The following GNA14 variants were observed in gnomAD, a reference collection of about 807,000 sequenced individuals.
GNA14 encodes the protein guanine nucleotide-binding protein subunit alpha-14.
In GNA14, 50 loss-of-function variants were observed where a neutral mutation model predicts 42.0. That is an observed-to-expected ratio of 1.19 (90% confidence interval 0.95 to 1.51). The LOEUF is 1.51. Among genes scored for constraint, GNA14 ranks in the 40% most tolerant of loss-of-function variants. GNA14 has a pLI of 0.00. For synonymous variants in GNA14, 173 were observed against 163.1 expected (o/e 1.06, Z -0.46); for missense variants, 473 against 446.2 (o/e 1.06, Z -0.54).
intron 2 of GNA14, among the ~76,000 whole-genome samples, chr9:77,476,526 T>C (rs753465069): frequency 2.6e-5 from 4 of 152,206 alleles, no homozygotes; most frequent in Non-Finnish European, 4.4e-5. Context: ...TGCTGTATAA[T>C]TGAAGATTAT....
chr9:77,605,854 A>G (rs978606427), intron 1 of GNA14, among the ~76,000 whole-genome samples: 1 of 152,158 alleles, frequency 6.6e-6, no homozygotes, highest in African/African-American at 2.4e-5. Context: ...GAATTCTATG[A>G]TTTCTAAATT....
At chr9:77,450,244 C>A (rs1835882463) in intron 2 of GNA14, among the ~76,000 whole-genome samples, 1 of 152,144 alleles carries the variant, frequency 6.6e-6, no homozygotes, top group African/African-American at 2.4e-5. Context: ...GATGAGGGGG[C>A]TGGCTCTGCC....
intron 1 of GNA14, among the ~76,000 whole-genome samples, chr9:77,592,898 T>G (rs1823411305): frequency 6.6e-6 from 1 of 152,160 alleles, no homozygotes. Context: ...TGATTAACAC[T>G]TTTAACTGAA....
At chr9:77,554,846 T>C (rs1246310446) in intron 1 of GNA14, among the ~76,000 whole-genome samples, 1 of 152,228 alleles carries the variant, frequency 6.6e-6, no homozygotes, top group Non-Finnish European at 1.5e-5. Flanking sequence ...TAGAATTGCA[T>C]GTTTTTGTGG....
chr9:77,464,355 G>C (rs1202476302), intron 2 of GNA14, among the ~76,000 whole-genome samples: 3 of 115,622 alleles, frequency 2.6e-5, no homozygotes, highest in African/African-American at 1.1e-4. Context: ...GTGTATATGT[G>C]TGTGTGTGTG....
At chr9:77,507,774 G>A (rs1343488301) in intron 2 of GNA14, among the ~76,000 whole-genome samples, 1 of 151,990 alleles carries the variant, frequency 6.6e-6, no homozygotes, top group East Asian at 1.9e-4. Flanking sequence ...GTCCAGTGGT[G>A]CAATCTTGGC....
At chr9:77,483,640 T>C (rs184695188) in intron 2 of GNA14, among the ~76,000 whole-genome samples, 172 of 152,316 alleles carry the variant, frequency 1.1e-3, no homozygotes, top group African/African-American at 3.8e-3. Flanking sequence ...TACTGCTGTC[T>C]TTTTGTTTGT....
intron 2 of GNA14, among the ~76,000 whole-genome samples, chr9:77,449,406 G>C (rs969170450): frequency 6.6e-6 from 1 of 152,204 alleles, no homozygotes; most frequent in Non-Finnish European, 1.5e-5. Context: ...CCCATTAACA[G>C]AATTTTCCCC....
intron 2 of GNA14, among the ~76,000 whole-genome samples, chr9:77,527,925 G>A (rs117114342): frequency 0.011 from 1,613 of 152,270 alleles, 12 homozygotes; most frequent in Non-Finnish European, 0.013. Flanking sequence ...ATAAGCCACC[G>A]TGCCCAGCCC....
chr9:77,635,268 G>T (rs1293130142), intron 1 of GNA14: 2 of 152,082 alleles, frequency 1.3e-5, no homozygotes, highest in African/African-American at 4.8e-5. Context: ...AATCTTCTGT[G>T]TATCACTCCA....
intron 2 of GNA14, among the ~76,000 whole-genome samples, chr9:77,444,509 C>T (rs974245386): frequency 2.0e-5 from 3 of 152,318 alleles, no homozygotes; most frequent in South Asian, 2.1e-4. Context: ...ACTTGGTTTT[C>T]GTGGGTTCTG....
chr9:77,434,527 T>C lies in GNA14; in HGVS notation c.310-5A>G. ...TCTGATTATCTGGGCATTTTCCTAC[T>C]CAAAGGAAAGAGAACCTTGCATCAG... On this transcript the variant is annotated splice_polypyrimidine_tract_variant and splice_region_variant and intron_variant, in intron 2 of 6. Transcript: ENST00000341700. 1 of 1,611,490 alleles carries C rather than the reference T, an allele frequency of 6.2e-7. No homozygotes were observed.
intron 1 of GNA14, among the ~76,000 whole-genome samples, chr9:77,637,211 T>C (rs965753678): frequency 1.3e-5 from 2 of 152,238 alleles, no homozygotes; most frequent in Admixed American, 6.5e-5. Context: ...TTCTGCTGGC[T>C]TGAACTTTCA....
intron 1 of GNA14, among the ~76,000 whole-genome samples, chr9:77,569,853 G>A (rs763297529): frequency 5.3e-5 from 8 of 151,408 alleles, no homozygotes; most frequent in Non-Finnish European, 1.2e-4. Flanking sequence ...TGCAACCTCT[G>A]CCTTCCAGTT....
chr9:77,509,078 T>A (rs576271441), intron 2 of GNA14, among the ~76,000 whole-genome samples: 27 of 152,288 alleles, frequency 1.8e-4, no homozygotes, highest in African/African-American at 6.0e-4. Flanking sequence ...TGAAACTCTG[T>A]ACTCATTTGG....
At chr9:77,487,839 G>A (rs959470259) in intron 2 of GNA14, among the ~76,000 whole-genome samples, 2 of 152,188 alleles carry the variant, frequency 1.3e-5, no homozygotes, top group African/African-American at 4.8e-5. Flanking sequence ...TAGAGTTTCA[G>A]TAGACACATC....
chr9:77,508,929 G>A (rs1837115758), intron 2 of GNA14, among the ~76,000 whole-genome samples: 1 of 152,022 alleles, frequency 6.6e-6, no homozygotes, highest in East Asian at 1.9e-4. Flanking sequence ...AACTTAGTGA[G>A]GGTATTTTTT....
intron 2 of GNA14, among the ~76,000 whole-genome samples, chr9:77,485,473 C>T (rs1046685614): frequency 5.3e-5 from 8 of 152,118 alleles, no homozygotes; most frequent in Non-Finnish European, 7.4e-5. Context: ...TGCCTAACAC[C>T]TGTTAATAAT....
At chr9:77,549,924 T>C (rs954949018) in intron 1 of GNA14, among the ~76,000 whole-genome samples, 1 of 152,166 alleles carries the variant, frequency 6.6e-6, no homozygotes, top group African/African-American at 2.4e-5. Context: ...AACCCACTTC[T>C]AGGGCTTGCA....
Sources: gnomAD v4.1 joint callset for allele counts (sites outside exome capture counted in the v4.1 genomes callset) on GRCh38, gnomAD v4.1.1 for gene constraint, MANE v1.5 for transcripts, NCBI Gene and HGNC (gene_info 2026-07-23, HGNC 2026-07-21) for gene names.